The following FAM3C variants were observed in gnomAD, a reference collection of about 807,000 sequenced individuals.
FAM3C encodes the protein FAM3 metabolism regulating signaling molecule C.
In FAM3C, 15 loss-of-function variants were observed where a neutral mutation model predicts 32.5. The observed-to-expected ratio is 0.46, with a 90% CI of 0.31 to 0.71. The LOEUF (loss-of-function observed/expected upper bound fraction) is 0.71, where lower values mean the gene tolerates loss of function less well. Among genes scored for constraint, FAM3C ranks in the 30% least tolerant of loss-of-function variants. The probability of loss-of-function intolerance (pLI) is 0.05; values close to 1 mark genes in which losing one functional copy is unlikely to be tolerated. For synonymous variants in FAM3C, 75 were observed against 86.1 expected, an observed-to-expected ratio of 0.87 and a Z score of 0.72; for missense variants, 175 against 274.4, an observed-to-expected ratio of 0.64 and a Z score of 2.56.
chr7:121,350,479 G>C lies in FAM3C; in HGVS notation c.666C>G (p.Ile222Met). The C allele has an allele frequency of 6.2e-7, 1 of 1,611,764 alleles. No homozygotes were observed. Among genetic ancestry groups the C allele is most frequent in the South Asian group, 1.1e-5 (1 of 90,984 alleles). ...ATTTCCATTAGTCTTGCTTCTGGGG[G>C]ATGCATCCTTCCATTTCTACAACTT... ...WPEVVEMEGC[I>M]PQKQD Residue 222 changes from isoleucine (I) to methionine (M), a missense_variant, in exon 10 of 10, where the codon ATC (isoleucine) becomes ATG (methionine). Coordinates refer to ENST00000359943, the MANE Select transcript of FAM3C (RefSeq NM_014888.3).
chr7:121,357,353 C>T (rs898096131), intron 8 of FAM3C, among the ~76,000 whole-genome samples: 3 of 151,962 alleles, frequency 2.0e-5, no homozygotes, highest in African/African-American at 4.8e-5. Context: ...TGGAAGAAAA[C>T]GAGGTAAAAT....
intron 1 of FAM3C, 132 bp from the exon 2 acceptor site, chr7:121,383,142 TAA>T (rs35702337): frequency 0.022 from 9,626 of 441,756 alleles, no homozygotes; most frequent in South Asian, 0.033. Flanking sequence ...ACATTGGCAT[TAA>T]AAAAAAAAAA....
At chr7:121,367,947 C>G (rs2707478) in intron 5 of FAM3C, among the ~76,000 whole-genome samples, 38,566 of 150,590 alleles carry the variant, frequency 0.26, 5,853 homozygotes, top group African/African-American at 0.44. Context: ...GCCTGGGCAA[C>G]AGAATGAGAC....
intron 2 of FAM3C, among the ~76,000 whole-genome samples, chr7:121,380,444 C>T (rs1389441440): frequency 6.6e-6 from 1 of 151,696 alleles, no homozygotes. Flanking sequence ...AACACAGGAA[C>T]AGAAAACCAA....
intron 1 of FAM3C, among the ~76,000 whole-genome samples, chr7:121,383,790 G>A (rs373345717): frequency 1.3e-5 from 2 of 152,106 alleles, no homozygotes; most frequent in Non-Finnish European, 2.9e-5. Context: ...GAAAAAATAA[G>A]TAAGTTTAAT....
chr7:121,362,253 G>A (rs1285540224), intron 7 of FAM3C, among the ~76,000 whole-genome samples: 3 of 152,146 alleles, frequency 2.0e-5, no homozygotes, highest in Non-Finnish European at 4.4e-5. Context: ...CTGCGTGCTG[G>A]TAACTTCTTC....
intron 1 of FAM3C, among the ~76,000 whole-genome samples, chr7:121,393,776 T>C (rs1203149261): frequency 6.6e-6 from 1 of 152,198 alleles, no homozygotes; most frequent in Non-Finnish European, 1.5e-5. Flanking sequence ...AATTACCTGG[T>C]TCAGTCTACT....
intron 7 of FAM3C, among the ~76,000 whole-genome samples, chr7:121,361,715 G>A (rs1042951931): frequency 3.9e-5 from 6 of 152,074 alleles, no homozygotes; most frequent in South Asian, 4.1e-4. Context: ...TGGCTCTGTC[G>A]CCCAGGCTGG....
rs758863956 is a variant in FAM3C, at chr7:121,382,962, A to G, written c.8T>C (p.Val3Ala). The G allele has an allele frequency of 6.2e-7, 1 of 1,602,892 alleles. No homozygotes were observed. Among genetic ancestry groups the G allele is most frequent in the Non-Finnish European group, 8.5e-7 (1 of 1,172,904 alleles). Residue 3 changes from valine to alanine, a missense_variant, in exon 2 of 10, where the codon GTA becomes GCA. By Grantham distance (64) the Val-to-Ala change is moderately conservative. Transcript: ENST00000359943. MRVAGAAKLVVAV... is the reference protein window; with the variant it reads MRAAGAAKLVVAV... ...TACTAAATTAAATATCTTACCTGCT[A>G]CCCTCATGTTTGGTTTTTCAGTTTA...
chr7:121,367,435 T>C (rs1359366532), intron 5 of FAM3C, among the ~76,000 whole-genome samples: 3 of 152,244 alleles, frequency 2.0e-5, no homozygotes, highest in Non-Finnish European at 4.4e-5. Flanking sequence ...TTTAAATGGT[T>C]ACATTTTAAA....
At chr7:121,386,358 C>G (rs750207340) in intron 1 of FAM3C, among the ~76,000 whole-genome samples, 3 of 152,084 alleles carry the variant, frequency 2.0e-5, no homozygotes, top group Non-Finnish European at 4.4e-5. Flanking sequence ...TTAGAAAGTT[C>G]CCATGATTCT....
chr7:121,377,975 A>T (rs1341078508), intron 3 of FAM3C, among the ~76,000 whole-genome samples: 3 of 152,228 alleles, frequency 2.0e-5, no homozygotes, highest in South Asian at 2.1e-4. Flanking sequence ...CATGACTGTG[A>T]TCTTATATAG....
intron 8 of FAM3C, among the ~76,000 whole-genome samples, chr7:121,354,175 CCTT>C (rs1035366019): frequency 1.3e-5 from 2 of 151,950 alleles, no homozygotes; most frequent in Non-Finnish European, 2.9e-5. Context: ...TCAAAATGCC[CCTT>C]TTTTAAAAAA....
Position 121,387,523 on chromosome 7 carries a change from A to C in FAM3C, c.-41-4513T>G, listed in dbSNP as rs563575228. Among the ~76,000 whole-genome samples, 13 of 152,244 alleles carry C rather than the reference A, an allele frequency of 8.5e-5. No homozygotes were observed. The South Asian group carries it at 1.0e-3, about 12-fold the overall frequency. ...TTCATAATCTGCTCTCCACAGAAAGAAGCATAATTCCATGAGAAACAACAG... is the reference window on the plus strand; with the variant it reads ...TTCATAATCTGCTCTCCACAGAAAGCAGCATAATTCCATGAGAAACAACAG... On this transcript the variant is annotated intron_variant, in intron 1 of 9. Transcript: ENST00000359943.
intron 1 of FAM3C, among the ~76,000 whole-genome samples, chr7:121,391,442 G>A (rs928152774): frequency 2.0e-5 from 3 of 152,112 alleles, no homozygotes; most frequent in Non-Finnish European, 2.9e-5. Context: ...GTAATGAAGT[G>A]TCCCACTCAT....
chr7:121,382,071 C>T (rs1308734059), intron 2 of FAM3C, among the ~76,000 whole-genome samples: 2 of 152,046 alleles, frequency 1.3e-5, no homozygotes, highest in African/African-American at 2.4e-5. Context: ...TACAAGTTAC[C>T]TATGTTGGGC....
At chr7:121,351,089 C>T (rs201572924) in intron 9 of FAM3C, 54 bp downstream of exon 9, 184 of 1,534,344 alleles carry the variant, frequency 1.2e-4, no homozygotes, top group Non-Finnish European at 1.6e-4. Flanking sequence ...GAAAATGTAC[C>T]GTAAGGTTTC....
intron 3 of FAM3C, among the ~76,000 whole-genome samples, chr7:121,377,624 A>G (rs982209192): frequency 6.6e-6 from 1 of 152,222 alleles, no homozygotes; most frequent in African/African-American, 2.4e-5. Context: ...TCCCGAAGAG[A>G]TTCAGAATTA....
chr7:121,373,391 A>C (rs1794184433), intron 3 of FAM3C, among the ~76,000 whole-genome samples: 1 of 152,238 alleles, frequency 6.6e-6, no homozygotes, highest in Non-Finnish European at 1.5e-5. Context: ...CCTGGTGGCC[A>C]AACAGGTACA....
Sources: allele counts gnomAD v4.1 joint callset (sites outside exome capture counted in the v4.1 genomes callset), GRCh38; gene constraint gnomAD v4.1.1; transcripts MANE v1.5; gene names NCBI Gene and HGNC (gene_info 2026-07-23, HGNC 2026-07-21).